Variants in SDC3 observed in about 807,000 individuals in gnomAD.
SDC3 encodes the protein syndecan-3.
In SDC3, 13 loss-of-function variants were observed where a neutral mutation model predicts 24.4. The ratio of observed to expected loss-of-function variants is 0.53; its 90% CI spans 0.35 to 0.85. The LOEUF is 0.85. SDC3 is among the 40% of genes least tolerant of loss of function. The pLI is 0.01. For synonymous variants in SDC3, 295 were observed against 260.9 expected, an observed-to-expected ratio of 1.13 and a Z score of -1.26; for missense variants, 571 against 584.5, an observed-to-expected ratio of 0.98 and a Z score of 0.24.
intron 1 of SDC3, among the ~76,000 whole-genome samples, chr1:30,894,943 T>C (rs1013703207): frequency 2.6e-5 from 4 of 151,938 alleles, no homozygotes; most frequent in African/African-American, 9.7e-5. Context: ...TGGCAGTGTA[T>C]GTGTGTCCCT....
At chr1:30,895,344 C>T (rs1639986039) in intron 1 of SDC3, among the ~76,000 whole-genome samples, 2 of 152,228 alleles carry the variant, frequency 1.3e-5, no homozygotes, top group African/African-American at 4.8e-5. Context: ...CAGACCATCC[C>T]TCAAGACACA....
At position 30,908,510 on chromosome 1, in the gene SDC3, C is replaced by A; in HGVS notation, c.77G>T (p.Gly26Val). The stretch of plus-strand genomic sequence containing the variant: ...CGGTGGCAGGAGCAGCCCGCGGGCC[C>A]CGGGCCCGGCCGCGGCCCCGGCCCC... ...GAGAGAAAGP[G>V]ARGLLLPPLL... is the part of the protein sequence containing the mutation. Residue 26 changes from glycine to valine, a missense_variant, in exon 1 of 5, where the codon GGG becomes GTG. By Grantham distance (109) the Gly-to-Val change is moderately radical (BLOSUM62 -3). Coordinates refer to ENST00000339394, the MANE Select transcript of SDC3 (RefSeq NM_014654.4). 1.0e-6 allele frequency: 1 copy of A among 976,888 alleles called. No homozygotes were observed. Among genetic ancestry groups the A allele is most frequent in the Non-Finnish European group, 1.2e-6 (1 of 826,224 alleles). The allele number at this position is 976,888 out of a possible 1,614,324, so 60.5% of individuals were successfully genotyped here. A position where few individuals can be genotyped will look rare whatever the true frequency, so the allele number is the denominator to read the frequency against.
chr1:30,882,756 G>A (rs543150421), intron 1 of SDC3, among the ~76,000 whole-genome samples: 118 of 152,240 alleles, frequency 7.8e-4, no homozygotes, highest in African/African-American at 2.6e-3. Flanking sequence ...GGTCTCTCGT[G>A]CCCAGCCCCA....
At chr1:30,889,385 A>C (rs1639874712) in intron 1 of SDC3, among the ~76,000 whole-genome samples, 1 of 152,156 alleles carries the variant, frequency 6.6e-6, no homozygotes, top group Admixed American at 6.5e-5. Context: ...ACTGGTTCCC[A>C]CACACAGTAC....
At chr1:30,897,591 C>T (rs1638298951) in intron 1 of SDC3, among the ~76,000 whole-genome samples, 1 of 151,830 alleles carries the variant, frequency 6.6e-6, no homozygotes, top group Non-Finnish European at 1.5e-5. Flanking sequence ...GTTCAGGTAC[C>T]CAGCAAGGCC....
intron 1 of SDC3, among the ~76,000 whole-genome samples, chr1:30,882,334 C>T (rs1639757111): frequency 6.6e-6 from 1 of 152,200 alleles, no homozygotes; most frequent in Non-Finnish European, 1.5e-5. Context: ...TCACAGTCCC[C>T]TAGTCACCAC....
rs200515984 is a variant in SDC3 at position 30,876,710 on chromosome 1, C to T, written c.712G>A (p.Val238Ile). 2.0e-5 allele frequency: 32 copies of T among 1,598,656 alleles called. No individual in the cohort carries two copies. Among genetic ancestry groups the T allele is most frequent in the Non-Finnish European group, 2.6e-5 (30 of 1,172,034 alleles). Residue 238 changes from valine (V) to isoleucine (I), a missense_variant, in exon 3 of 5, where the codon GTC (valine) becomes ATC (isoleucine). Transcript: ENST00000339394. ...EAPSPPTTAA[V>I]LDTEAPTPRL... is the part of the protein sequence containing the mutation. ...GGTGTTGGGGCCTCGGTGTCCAAGA[C>T]AGCCGCCGTGGTGGGCGGGGAGGGC...
intron 1 of SDC3, among the ~76,000 whole-genome samples, chr1:30,887,250 G>T (rs1639842775): frequency 1.3e-5 from 2 of 151,914 alleles, no homozygotes; most frequent in Non-Finnish European, 2.9e-5. Flanking sequence ...GACGGTCACT[G>T]CCAGCAAACA....
chr1:30,869,816 G>T lies in SDC3; in HGVS notation c.*3395C>A. ...TACAGGAGAAAGGACTCACAGGAGG[G>T]AGGGACACTGTCTTCAGGGGGCTCT... On this transcript the variant is annotated 3_prime_UTR_variant, in exon 5 of 5. Coordinates refer to ENST00000339394, the MANE Select transcript of SDC3 (RefSeq NM_014654.4). 2.5e-6 allele frequency: 1 copy of T among 398,616 alleles called. No homozygotes were observed. Among genetic ancestry groups the T allele is most frequent in the Non-Finnish European group, 4.4e-6 (1 of 226,098 alleles). The allele number at this position is 398,616 out of a possible 1,614,324, so 24.7% of individuals were successfully genotyped here.
rs776763192 is a variant in SDC3, at chr1:30,876,772, G to A, written c.650C>T (p.Thr217Ile). ...GVRRLLPLPL[T>I]TVATARATTP... ...AGTGGCCCGTGCCGTAGCCACTGTG[G>A]TCAGTGGGAGAGGCAGAAGCCTCCG... The change falls in exon 3 of 5, where the codon ACC becomes ATC. Residue 217 changes from threonine (T) to isoleucine (I), a missense_variant. Transcript: ENST00000339394. The A allele has an allele frequency of 1.9e-6, 3 of 1,590,726 alleles. No individual in the cohort carries two copies. The highest frequency in any genetic ancestry group is 2.6e-6 in the Non-Finnish European group (3 of 1,167,008).
chr1:30,879,177 G>A (rs1427403667), intron 1 of SDC3, among the ~76,000 whole-genome samples: 1 of 152,102 alleles, frequency 6.6e-6, no homozygotes, highest in Non-Finnish European at 1.5e-5. Context: ...TGCCACTGAT[G>A]GGCCCCCTTC....
At chr1:30,902,069 T>A (rs1042257412) in intron 1 of SDC3, among the ~76,000 whole-genome samples, 2 of 152,112 alleles carry the variant, frequency 1.3e-5, no homozygotes, top group Non-Finnish European at 2.9e-5. Context: ...CCCTCAGGCT[T>A]GGGACACCCC....
chr1:30,883,953 C>G (rs986670270), intron 1 of SDC3, among the ~76,000 whole-genome samples: 1 of 152,180 alleles, frequency 6.6e-6, no homozygotes, highest in Non-Finnish European at 1.5e-5. Context: ...GTGCCCCTCA[C>G]GCTCACCAGA....
intron 1 of SDC3, among the ~76,000 whole-genome samples, chr1:30,885,977 C>A (rs927206698): frequency 3.3e-5 from 5 of 152,172 alleles, no homozygotes; most frequent in Admixed American, 3.3e-4. Context: ...GCCACCTGCC[C>A]TCTCACGTCA....
At chr1:30,891,206 A>G (rs937956432) in intron 1 of SDC3, among the ~76,000 whole-genome samples, 7 of 152,168 alleles carry the variant, frequency 4.6e-5, no homozygotes, top group Admixed American at 2.0e-4. Flanking sequence ...GTGGTAAAAC[A>G]CGCCTGAATT....
upstream of SDC3, chr1:30,908,839 C>CGGGG (rs1333682359): frequency 6.5e-3 from 3 of 464 alleles, no homozygotes; most frequent in Admixed American, 0.17. Context: ...GAGGAGGGGC[C>CGGGG]CGGGGCGGGG....
chr1:30,894,065 G>A (rs1388563599), intron 1 of SDC3, among the ~76,000 whole-genome samples: 2 of 152,048 alleles, frequency 1.3e-5, no homozygotes, highest in Non-Finnish European at 2.9e-5. Context: ...CCTAGACCCT[G>A]GGATTAAGAG....
Position 30,874,544 on chromosome 1 carries a change from T to C in SDC3, c.915A>G (p.Pro305=). ...ETFLTTIRDE[P]EVPVSGGPSG... ...TGGGCCCCCCACTCACCGGAACCTC[T>C]GGCTCATCCCGGATTGTGGTCAGGA... Residue 305 remains proline (P), a synonymous_variant, in exon 4 of 5, where the codon CCA becomes CCG. Transcript: ENST00000339394. 3 of 1,614,136 alleles carry C rather than the reference T, an allele frequency of 1.9e-6. No homozygotes were observed. The highest frequency in any genetic ancestry group is 2.5e-6 in the Non-Finnish European group (3 of 1,180,014).
chr1:30,877,574 A>C (rs1639666734), intron 2 of SDC3: 3 of 377,892 alleles, frequency 7.9e-6, no homozygotes, highest in East Asian at 4.4e-5. Flanking sequence ...CCACAAGCTC[A>C]AGGCAGGGGT....
Sources: gnomAD v4.1 joint callset for allele counts (sites outside exome capture counted in the v4.1 genomes callset) on GRCh38, gnomAD v4.1.1 for gene constraint, MANE v1.5 for transcripts, NCBI Gene and HGNC (gene_info 2026-07-23, HGNC 2026-07-21) for gene names.